SLC35F4: variants seen among roughly 807,000 people sequenced by gnomAD.
SLC35F4 encodes the protein solute carrier family 35 member F4, also known as chromosome 14 open reading frame 36.
Under a neutral mutation model 44.2 loss-of-function variants are expected in SLC35F4, and 24 were observed. The observed-to-expected ratio is 0.54, with a 90% CI of 0.39 to 0.76. The LOEUF (loss-of-function observed/expected upper bound fraction) is 0.76. SLC35F4 is among the 30% of genes least tolerant of loss of function. The probability of loss-of-function intolerance (pLI) is 0.00; values close to 1 mark genes in which losing one functional copy is unlikely to be tolerated. For synonymous variants in SLC35F4, 238 were observed against 223.6 expected (o/e 1.06, Z -0.57); for missense variants, 562 against 586.1 (o/e 0.96, Z 0.42).
chr14:57,802,486 TAG>T (rs1566867106), intron 1 of SLC35F4, among the ~76,000 whole-genome samples: 3 of 137,288 alleles, frequency 2.2e-5, no homozygotes, highest in South Asian at 2.4e-4. Flanking sequence ...CTCAAGGAGA[TAG>T]AGACACAAAA....
intron 1 of SLC35F4, among the ~76,000 whole-genome samples, chr14:57,785,893 T>A (rs2140772379): frequency 6.6e-6 from 1 of 152,082 alleles, no homozygotes; most frequent in Admixed American, 6.5e-5. Flanking sequence ...TTGGTAACAA[T>A]TTGAATGGGG....
chr14:57,751,211 A>T (rs2076877131), intron 1 of SLC35F4, among the ~76,000 whole-genome samples: 1 of 152,228 alleles, frequency 6.6e-6, no homozygotes, highest in Admixed American at 6.5e-5. Flanking sequence ...GACATGGTTA[A>T]TAAGAAGCAG....
At chr14:57,706,619 G>A (rs1181881499) in intron 1 of SLC35F4, among the ~76,000 whole-genome samples, 1 of 152,208 alleles carries the variant, frequency 6.6e-6, no homozygotes, top group Non-Finnish European at 1.5e-5. Context: ...AGAAGGCTCT[G>A]TGAGGAAGCA....
At chr14:57,584,843 ATC>A in intron 3 of SLC35F4, among the ~76,000 whole-genome samples, 1 of 152,272 alleles carries the variant, frequency 6.6e-6, no homozygotes, top group African/African-American at 2.4e-5. Context: ...GTTGTTTTAA[ATC>A]AATGTGTGTC....
chr14:57,639,708 T>C (rs1183916067), intron 1 of SLC35F4, among the ~76,000 whole-genome samples: 1 of 152,030 alleles, frequency 6.6e-6, no homozygotes, highest in Non-Finnish European at 1.5e-5. Context: ...CTTTATCCCA[T>C]AAATGACAAT....
At chr14:57,862,770 T>C (rs1021729142) in intron 1 of SLC35F4, among the ~76,000 whole-genome samples, 3 of 152,250 alleles carry the variant, frequency 2.0e-5, no homozygotes, top group African/African-American at 7.2e-5. Flanking sequence ...CCAGAATATT[T>C]TATCCTTTTT....
chr14:57,911,544 T>G (rs538004487), intron 1 of SLC35F4, among the ~76,000 whole-genome samples: 1 of 152,062 alleles, frequency 6.6e-6, no homozygotes, highest in Non-Finnish European at 1.5e-5. Context: ...GATGAGATCA[T>G]GTGATGTTTT....
At chr14:57,635,057 C>T (rs1228779049) in intron 1 of SLC35F4, among the ~76,000 whole-genome samples, 2 of 151,900 alleles carry the variant, frequency 1.3e-5, no homozygotes, top group Admixed American at 6.6e-5. Flanking sequence ...CAAGACAAAC[C>T]TGGGCATCAT....
At chr14:57,900,851 G>A (rs1006257768) in intron 1 of SLC35F4, among the ~76,000 whole-genome samples, 1 of 152,120 alleles carries the variant, frequency 6.6e-6, no homozygotes, top group African/African-American at 2.4e-5. Context: ...ATTAAAAAAT[G>A]CACAAAGGAC....
rs35951590 is a variant in SLC35F4 at position 57,670,902 on chromosome 14, C to CTTTTT, written c.104-76783_104-76779dup. Among the ~76,000 whole-genome samples, 430 of 107,260 alleles carry CTTTTT rather than the reference C, an allele frequency of 4.0e-3. 16 individuals are homozygous for CTTTTT. The highest frequency in any genetic ancestry group is 7.2e-3 in the Middle Eastern group (1 of 138). 70.4% of individuals were successfully genotyped at this position (107,260 alleles called of 152,430 possible). A position where few individuals can be genotyped will look rare whatever the true frequency, so the allele number is the denominator to read the frequency against. Reference sequence around the variant, plus strand: ...GGAGCTTCTTGGTAACTCATTCATTCTTTTTTTTTTTTTTTTTTTTGAGAC... The same window carrying CTTTTT: ...GGAGCTTCTTGGTAACTCATTCATTCTTTTTTTTTTTTTTTTTTTTTTTTTGAGAC... On this transcript the variant is annotated intron_variant, in intron 1 of 7. Coordinates refer to ENST00000556826, the MANE Select transcript of SLC35F4 (RefSeq NM_001306087.2).
At chr14:57,632,379 GA>G (rs889560799) in intron 1 of SLC35F4, among the ~76,000 whole-genome samples, 32 of 151,472 alleles carry the variant, frequency 2.1e-4, no homozygotes, top group Admixed American at 6.6e-5. Flanking sequence ...CAAAATGAAG[GA>G]AAAAAAAGAG....
chr14:57,966,845 A>G lies in SLC35F4; in HGVS notation n.282+15068T>C, dbSNP rs145506171. 9.1e-3 allele frequency among the ~76,000 whole-genome samples: 1,386 copies of G among 152,252 alleles called. 22 individuals carry two copies. The highest frequency in any genetic ancestry group is 0.031 in the African/African-American group (1,298 of 41,544). ...GCCAACATGGCGAAACCCCGTCTCTACTAAAAATACAAAAATCAGCCGGGC... is the reference window on the plus strand; with the variant it reads ...GCCAACATGGCGAAACCCCGTCTCTGCTAAAAATACAAAAATCAGCCGGGC... On this transcript the variant is annotated intron_variant and non_coding_transcript_variant, in intron 1 of 1. Coordinates refer to the SLC35F4 transcript ENST00000556568.
intron 1 of SLC35F4, among the ~76,000 whole-genome samples, chr14:57,882,533 G>T (rs1888557225): frequency 6.6e-6 from 1 of 152,044 alleles, no homozygotes; most frequent in South Asian, 2.1e-4. Context: ...AGCTACTATA[G>T]GCAGAGAGGC....
At chr14:57,961,821 C>G (rs956083549) in intron 1 of SLC35F4, among the ~76,000 whole-genome samples, 1 of 152,196 alleles carries the variant, frequency 6.6e-6, no homozygotes, top group South Asian at 2.1e-4. Flanking sequence ...CCCTCCCTGC[C>G]TCAACTGACG....
chr14:57,634,118 T>C (rs1414591534), intron 1 of SLC35F4, among the ~76,000 whole-genome samples: 2 of 152,162 alleles, frequency 1.3e-5, no homozygotes, highest in Admixed American at 1.3e-4. Context: ...AGCAATGTGC[T>C]GAGCACCCAC....
At chr14:57,849,325 C>T (rs768229649) in intron 1 of SLC35F4, among the ~76,000 whole-genome samples, 1 of 152,138 alleles carries the variant, frequency 6.6e-6, no homozygotes, top group Non-Finnish European at 1.5e-5. Context: ...CCATGCCCAG[C>T]TAGTTTTTGT....
chr14:57,854,144 T>C (rs1403063654), intron 1 of SLC35F4, among the ~76,000 whole-genome samples: 3 of 152,236 alleles, frequency 2.0e-5, no homozygotes, highest in Non-Finnish European at 2.9e-5. Flanking sequence ...AAAATTGTAT[T>C]GTAACTACAC....
chr14:57,595,744 G>C (rs949635615), intron 1 of SLC35F4: 6 of 152,054 alleles, frequency 3.9e-5, no homozygotes, highest in Admixed American at 6.5e-5. Context: ...CCTTTGATTT[G>C]TCCCCATTCT....
At chr14:57,645,616 C>T (rs1426294869) in intron 1 of SLC35F4, among the ~76,000 whole-genome samples, 2 of 151,040 alleles carry the variant, frequency 1.3e-5, no homozygotes, top group Admixed American at 1.3e-4. Flanking sequence ...CCCTTTATTT[C>T]CTTCTCCTGC....
Sources: allele counts gnomAD v4.1 joint callset (sites outside exome capture counted in the v4.1 genomes callset), GRCh38; gene constraint gnomAD v4.1.1; transcripts MANE v1.5; gene names NCBI Gene and HGNC (gene_info 2026-07-23, HGNC 2026-07-21).